Variants in SLCO1A2 observed in about 807,000 individuals in gnomAD.
SLCO1A2 encodes the protein OATP-1.
In SLCO1A2, 67 loss-of-function variants were observed where a neutral mutation model predicts 69.0. The ratio of observed to expected loss-of-function variants is 0.97; its 90% confidence interval spans 0.80 to 1.19. The LOEUF (loss-of-function observed/expected upper bound fraction) is 1.19. Ranked by LOEUF, SLCO1A2 falls within the 50% of genes most tolerant of loss-of-function variation. SLCO1A2 has a pLI of 0.00. For missense variants in SLCO1A2, 787 were observed against 793.7 expected, an observed-to-expected ratio of 0.99 and a Z score of 0.10; for synonymous variants, 260 against 265.9, an observed-to-expected ratio of 0.98 and a Z score of 0.22.
chr12:21,366,306 A>C lies in SLCO1A2; in HGVS notation c.-63+8093T>G, dbSNP rs1381719050. ...GAGCAAAGTATCACAAGGACAAAAA[A>C]CCAAACACCACATGTTCTCACTCAT... is the stretch of plus-strand genomic sequence containing the variant. On this transcript the variant is annotated intron_variant, in intron 2 of 15. Transcript: ENST00000307378. Among the ~76,000 whole-genome samples the C allele has an allele frequency of 2.0e-5, 3 of 150,950 alleles. No individual in the cohort carries two copies. In the Admixed American group the frequency reaches 2.0e-4, roughly 10 times the overall value.
rs561089747 is a variant in SLCO1A2 at position 21,370,898 on chromosome 12, G to T, written c.-63+3501C>A. 3.9e-5 allele frequency among the ~76,000 whole-genome samples: 6 copies of T among 152,236 alleles called. No individual in the cohort carries two copies. In the South Asian group the frequency reaches 8.3e-4, roughly 21 times the overall value. ...CCCAAACTGGGGCTTAGCCCTCAAG[G>T]GTTCTTGGCTTTGTTCATGAAAGAG... On this transcript the variant is annotated intron_variant, in intron 2 of 15. Transcript: ENST00000307378.
rs373572811 is a variant in SLCO1A2, at chr12:21,292,267, C to T, written c.1507G>A (p.Gly503Arg). ...SSAVLGLCDK[G>R]PDCSLMLQYF... is the part of the protein sequence containing the mutation. The stretch of plus-strand genomic sequence containing the variant: ...TGGAGCATCAAGGAACAGTCAGGTC[C>T]TTTGTCGCACAGCCCAAGAACTGCA... The change falls in exon 12 of 15, where the codon GGA becomes AGA. Residue 503 changes from glycine (G) to arginine (R), a missense_variant. Coordinates refer to ENST00000683939, the MANE Select transcript of SLCO1A2 (RefSeq NM_001386879.1). 4 of 1,613,074 alleles carry T rather than the reference C, an allele frequency of 2.5e-6. No homozygotes were observed. The African/African-American group carries it at 4.0e-5, about 16-fold the overall frequency.
rs550436580 is a variant in SLCO1A2 at position 21,268,456 on chromosome 12, C to T, written c.*1092G>A. On this transcript the variant is annotated 3_prime_UTR_variant, in exon 15 of 15. Transcript: ENST00000683939. ...GGAAGGAGAGTAAGGAGTAGACAAA[C>T]AGGTATTTGTCTGTTCATTCTATTC... The T allele has an allele frequency of 2.3e-4, 35 of 152,192 alleles. No individual in the cohort carries two copies. Among genetic ancestry groups the T allele is most frequent in the Non-Finnish European group, 3.2e-4 (22 of 67,978 alleles). 9.4% of individuals were successfully genotyped at this position (152,192 alleles called of 1,614,324 possible).
At position 21,301,171 on chromosome 12, in the gene SLCO1A2, C is replaced by T. The variant is rs554757319; in HGVS notation, c.688G>A (p.Asp230Asn). The change falls in exon 7 of 15, where the codon GAT (aspartate) becomes AAT (asparagine). Residue 230 changes from aspartate to asparagine, a missense_variant and splice_region_variant. Transcript: ENST00000683939. Reference sequence around the variant, plus strand: ...GTACAAATAGATTTTATTGAATTACCTGTGTTCACAAATCCAGTGTCAACA... The same window carrying T: ...GTACAAATAGATTTTATTGAATTACTTGTGTTCACAAATCCAGTGTCAACA... The part of the protein sequence containing the change: ...VYVDTGFVNT[D>N]DLIITPTDTR... 143 of 1,599,488 alleles carry T rather than the reference C, an allele frequency of 8.9e-5. 2 individuals carry two copies. The South Asian group carries it at 1.5e-3, about 16-fold the overall frequency.
At chr12:21,285,333 C>G (rs1484089828) in intron 12 of SLCO1A2, among the ~76,000 whole-genome samples, 52 of 151,750 alleles carry the variant, frequency 3.4e-4, no homozygotes, top group Admixed American at 1.2e-3. Context: ...CTGAATAGAC[C>G]AATAACAGGA....
chr12:21,290,193 G>T (rs1946625360), intron 12 of SLCO1A2, among the ~76,000 whole-genome samples: 2 of 151,792 alleles, frequency 1.3e-5, no homozygotes, highest in African/African-American at 4.8e-5. Context: ...GAACTTTAAG[G>T]ATACAAAGGA....
Position 21,300,581 on chromosome 12 carries a change from T to C in SLCO1A2, c.689-12A>G, listed in dbSNP as rs776117886. 6.3e-7 allele frequency: 1 copy of C among 1,577,834 alleles called. No homozygotes were observed. The highest frequency in any genetic ancestry group is 8.7e-7 in the Non-Finnish European group (1 of 1,155,626). ...TATGATCAGATCATCTGTAAAAAAA[T>C]ACACACACTGTTATTAGCTTAAGTC... On this transcript the variant is annotated splice_polypyrimidine_tract_variant and intron_variant, in intron 7 of 14. Coordinates refer to ENST00000683939, the MANE Select transcript of SLCO1A2 (RefSeq NM_001386879.1).
At chr12:21,302,929 T>C (rs1948902260) in intron 6 of SLCO1A2, among the ~76,000 whole-genome samples, 1 of 152,086 alleles carries the variant, frequency 6.6e-6, no homozygotes, top group Admixed American at 6.6e-5. Flanking sequence ...TGACTGCAGA[T>C]GATTTGTCCG....
intron 2 of SLCO1A2, among the ~76,000 whole-genome samples, chr12:21,364,348 C>G (rs1476493203): frequency 6.6e-6 from 1 of 152,178 alleles, no homozygotes; most frequent in African/African-American, 2.4e-5. Flanking sequence ...AATTTAACAG[C>G]TCTTCATGCT....
At chr12:21,284,289 G>A (rs532727118) in intron 12 of SLCO1A2, among the ~76,000 whole-genome samples, 1,698 of 152,232 alleles carry the variant, frequency 0.011, 32 homozygotes, top group Non-Finnish European at 0.015. Context: ...GAACAGCTCC[G>A]GTCCACAGCT....
chr12:21,369,393 C>T (rs1258032441), intron 2 of SLCO1A2, among the ~76,000 whole-genome samples: 1 of 152,184 alleles, frequency 6.6e-6, no homozygotes, highest in Non-Finnish European at 1.5e-5. Flanking sequence ...CCTGTTTTTA[C>T]TCTTGCCACC....
intron 1 of SLCO1A2, among the ~76,000 whole-genome samples, chr12:21,389,601 G>A (rs552663255): frequency 6.6e-6 from 1 of 151,764 alleles, no homozygotes; most frequent in African/African-American, 2.4e-5. Flanking sequence ...TCATGTAAAT[G>A]GAACAAAATA....
intron 8 of SLCO1A2, among the ~76,000 whole-genome samples, chr12:21,298,135 A>G (rs1391564877): frequency 6.6e-6 from 1 of 152,128 alleles, no homozygotes; most frequent in Non-Finnish European, 1.5e-5. Flanking sequence ...TGGTTCTGCC[A>G]TTGGTTCTCA....
chr12:21,315,681 T>C lies in SLCO1A2; in HGVS notation c.203-1000A>G, dbSNP rs897253951. On this transcript the variant is annotated intron_variant, in intron 3 of 14. Transcript: ENST00000683939. Reference sequence around the variant, plus strand: ...ATGTCCATTTGTCCATTATTTTATATGGAGAGCGCCCCACCGCAATAACTA... The same window carrying C: ...ATGTCCATTTGTCCATTATTTTATACGGAGAGCGCCCCACCGCAATAACTA... Among the ~76,000 whole-genome samples, 5 of 152,330 alleles carry C rather than the reference T, an allele frequency of 3.3e-5. No individual in the cohort carries two copies. The East Asian group carries it at 7.7e-4, about 23-fold the overall frequency.
At position 21,274,566 on chromosome 12, in the gene SLCO1A2, A is replaced by G. The variant is rs141627379; in HGVS notation, c.1696T>C (p.Tyr566His). The change falls in exon 14 of 15, where the codon TAT becomes CAT. Residue 566 changes from tyrosine to histidine, a missense_variant. Physicochemically the swap from Tyr to His is moderately conservative, Grantham distance 83. Transcript: ENST00000683939. ...GTGGAATCCATTAAAGCGCCAAAATATATAGGTGCAGGAATGCCAGCTACA... is the reference window on the plus strand; with the variant it reads ...GTGGAATCCATTAAAGCGCCAAAATGTATAGGTGCAGGAATGCCAGCTACA... ...RVFAGIPAPIYFGALMDSTCL... is the reference protein window; with the variant it reads ...RVFAGIPAPIHFGALMDSTCL... 13 of 1,611,984 alleles carry G rather than the reference A, an allele frequency of 8.1e-6. No homozygotes were observed. Among genetic ancestry groups the G allele is most frequent in the African/African-American group, 1.3e-5 (1 of 74,898 alleles).
At chr12:21,317,559 G>A (rs1325782393) in intron 3 of SLCO1A2, among the ~76,000 whole-genome samples, 1 of 152,016 alleles carries the variant, frequency 6.6e-6, no homozygotes, top group Admixed American at 6.6e-5. Flanking sequence ...ATTATTATCT[G>A]CATCTCTACC....
At chr12:21,324,076 T>C (rs927823394) in intron 2 of SLCO1A2, among the ~76,000 whole-genome samples, 3 of 152,210 alleles carry the variant, frequency 2.0e-5, no homozygotes, top group Non-Finnish European at 2.9e-5. Context: ...ATAACATTAA[T>C]ATTTTGACAA....
At chr12:21,296,987 T>C (rs1429923839) in intron 9 of SLCO1A2, among the ~76,000 whole-genome samples, 1 of 152,136 alleles carries the variant, frequency 6.6e-6, no homozygotes, top group Non-Finnish European at 1.5e-5. Flanking sequence ...CTAAAACCAC[T>C]AGGGGGACCA....
At chr12:21,331,903 GT>G (rs1952643689) in intron 2 of SLCO1A2, among the ~76,000 whole-genome samples, 1 of 152,086 alleles carries the variant, frequency 6.6e-6, no homozygotes, top group Admixed American at 6.6e-5. Context: ...TCTGGAGTGG[GT>G]GGGGGCTCCC....
Sources: gnomAD v4.1 joint callset for allele counts (sites outside exome capture counted in the v4.1 genomes callset) on GRCh38, gnomAD v4.1.1 for gene constraint, MANE v1.5 for transcripts, NCBI Gene and HGNC (gene_info 2026-07-23, HGNC 2026-07-21) for gene names.